Variants in PRKCZ observed in about 807,000 individuals in gnomAD.
The protein encoded by PRKCZ is protein kinase C zeta, also known as protein kinase C zeta type.
A neutral mutation model predicts 79.5 loss-of-function variants in PRKCZ; 33 were observed. The ratio of observed to expected loss-of-function variants is 0.41; its 90% CI spans 0.31 to 0.55. The LOEUF (loss-of-function observed/expected upper bound fraction) is 0.55. PRKCZ is among the 20% of genes least tolerant of loss of function. The pLI, the probability that PRKCZ is intolerant of heterozygous loss-of-function variation, is 0.19. For missense variants in PRKCZ, 578 were observed against 813.5 expected, an observed-to-expected ratio of 0.71 and a Z score of 3.52; for synonymous variants, 342 against 320.9, an observed-to-expected ratio of 1.07 and a Z score of -0.70.
intron 4 of PRKCZ, among the ~76,000 whole-genome samples, chr1:2,110,081 C>T (rs1669419943): frequency 6.7e-6 from 1 of 148,460 alleles, no homozygotes; most frequent in African/African-American, 2.5e-5. Flanking sequence ...CCAAGAGGAT[C>T]CCAGAGGTGA....
At position 2,172,981 on chromosome 1, in the gene PRKCZ, G is replaced by A. The variant is rs1011810315; in HGVS notation, c.1285+593G>A. ...GCAGCCGTGTGTGCGTGTGTGAAAC[G>A]GGGACGTGGGCACGCGTGTGCAGCC... is the stretch of plus-strand genomic sequence containing the variant. On this transcript the variant is annotated intron_variant, in intron 13 of 17. Coordinates refer to ENST00000378567, the MANE Select transcript of PRKCZ (RefSeq NM_002744.6). The surrounding 1 kb of genome is among the most constrained non-coding windows in gnomAD (Gnocchi z 7.8). Among the ~76,000 whole-genome samples, 5 of 151,936 alleles carry A rather than the reference G, an allele frequency of 3.3e-5. No individual in the cohort carries two copies. The highest frequency in any genetic ancestry group is 1.9e-4 in the East Asian group (1 of 5,178).
chr1:2,139,120 A>G (rs1676808563), intron 5 of PRKCZ, among the ~76,000 whole-genome samples: 2 of 152,216 alleles, frequency 1.3e-5, no homozygotes, highest in Admixed American at 6.5e-5. Context: ...CACACTTAGA[A>G]TTGAAGAGCT....
At chr1:2,065,786 G>A (rs1301439643) in intron 4 of PRKCZ, among the ~76,000 whole-genome samples, 1 of 151,776 alleles carries the variant, frequency 6.6e-6, no homozygotes, top group Non-Finnish European at 1.5e-5. Context: ...GATGTCTGCT[G>A]TGGGTTTTTC....
intron 4 of PRKCZ, among the ~76,000 whole-genome samples, chr1:2,124,768 C>T (rs1052341209): frequency 1.2e-4 from 18 of 151,908 alleles, no homozygotes; most frequent in South Asian, 2.1e-4. Context: ...GTGTGACCTC[C>T]GAAGGGTCAG....
At chr1:2,077,452 A>G (rs1354890395) in intron 4 of PRKCZ, among the ~76,000 whole-genome samples, 1 of 152,156 alleles carries the variant, frequency 6.6e-6, no homozygotes, top group Non-Finnish European at 1.5e-5. Context: ...GCGAACCTTG[A>G]TTGTTGAAAG....
intron 1 of PRKCZ, among the ~76,000 whole-genome samples, 157 bp from the exon 2 acceptor site, chr1:2,055,284 A>AT (rs1455233255): frequency 1.5e-5 from 1 of 68,548 alleles, no homozygotes; most frequent in Non-Finnish European, 2.4e-5. Flanking sequence ...TAATGGTTCT[A>AT]TTTTGTGTGT....
chr1:2,169,368 TGCCA>T (rs2100250661), intron 10 of PRKCZ, 146 bp from the exon 11 acceptor site: 3 of 722,454 alleles, frequency 4.2e-6, no homozygotes, highest in Non-Finnish European at 7.5e-6. Context: ...CCCTCTCTGC[TGCCA>T]GGGTGCTCCT....
In PRKCZ at chr1:2,144,616, G is replaced by A. The variant is rs384726; in HGVS notation, c.552+275G>A. The stretch of plus-strand genomic sequence containing the variant: ...CGTGGTACGCTCTGCTCAGTGGGTC[G>A]GAGGTAAGGTTCATTCATACCCCAG... On this transcript the variant is annotated intron_variant, in intron 6 of 17. Transcript: ENST00000378567. 83,138 of 1,273,408 alleles carry A rather than the reference G, an allele frequency of 0.065. 3,056 individuals are homozygous for A. Among genetic ancestry groups the A allele is most frequent in the Non-Finnish European group, 0.074 (74,214 of 997,062 alleles). 78.9% of individuals were successfully genotyped at this position (1,273,408 alleles called of 1,614,324 possible). A position where few individuals can be genotyped will look rare whatever the true frequency, so the allele number is the denominator to read the frequency against.
intron 4 of PRKCZ, among the ~76,000 whole-genome samples, chr1:2,066,240 C>T (rs577968733): frequency 6.6e-6 from 1 of 152,286 alleles, no homozygotes; most frequent in South Asian, 2.1e-4. Flanking sequence ...GTTCCTTCCT[C>T]TTTAATTTTT....
chr1:2,073,962 C>T (rs1326717336), intron 4 of PRKCZ: 9 of 1,378,204 alleles, frequency 6.5e-6, no homozygotes, highest in Middle Eastern at 2.7e-4. Flanking sequence ...GTGGATTTTC[C>T]GCGCCCCCGG....
intron 4 of PRKCZ, among the ~76,000 whole-genome samples, chr1:2,080,969 C>T (rs1045031653): frequency 6.6e-5 from 10 of 152,110 alleles, no homozygotes; most frequent in South Asian, 2.1e-4. Flanking sequence ...CTCCTTATAT[C>T]GCTGGGTCCA....
rs1662307749 is a variant in PRKCZ at position 2,075,862 on chromosome 1, A to G, written c.334+16271A>G. ...ATCCTGAGAAGTTCCCGTGCTTGTGACCTGCTCTCGTGTGTGTAGCAGCGG... is the reference window on the plus strand; with the variant it reads ...ATCCTGAGAAGTTCCCGTGCTTGTGGCCTGCTCTCGTGTGTGTAGCAGCGG... On this transcript the variant is annotated intron_variant, in intron 4 of 17. Coordinates refer to ENST00000378567, the MANE Select transcript of PRKCZ (RefSeq NM_002744.6). The surrounding 1 kb of genome is among the most constrained non-coding windows in gnomAD (Gnocchi z 4.8). Among the ~76,000 whole-genome samples the G allele has an allele frequency of 6.6e-6, 1 of 152,126 alleles. No individual in the cohort carries two copies. Among genetic ancestry groups the G allele is most frequent in the African/African-American group, 2.4e-5 (1 of 41,430 alleles).
In PRKCZ at chr1:2,185,252, C is replaced by A; in HGVS notation, c.*243C>A. The A allele has an allele frequency of 1.4e-6, 1 of 713,076 alleles. No individual in the cohort carries two copies. The highest frequency in any genetic ancestry group is 1.5e-5 in the South Asian group (1 of 67,592). 44.2% of individuals were successfully genotyped at this position (713,076 alleles called of 1,614,324 possible). On this transcript the variant is annotated 3_prime_UTR_variant, in exon 18 of 18. Coordinates refer to ENST00000378567, the MANE Select transcript of PRKCZ (RefSeq NM_002744.6). ...CTGCTGTGCCTGCGTCGCGGCGGAT[C>A]CGCGGGGACCCTGCCGAGGGGGCTG...
chr1:2,107,914 G>A (rs1668897321), intron 4 of PRKCZ, among the ~76,000 whole-genome samples: 1 of 151,572 alleles, frequency 6.6e-6, no homozygotes, highest in South Asian at 2.1e-4. Context: ...GGCAGTGTCG[G>A]GAGCCCCCCA....
intron 4 of PRKCZ, among the ~76,000 whole-genome samples, chr1:2,113,145 C>A (rs1176461671): frequency 6.6e-6 from 1 of 152,272 alleles, no homozygotes; most frequent in African/African-American, 2.4e-5. Context: ...GCCTGCAGCA[C>A]CAGTCAGGGC....
intron 4 of PRKCZ, among the ~76,000 whole-genome samples, chr1:2,113,170 C>G (rs1028098003): frequency 6.6e-6 from 1 of 152,240 alleles, no homozygotes; most frequent in African/African-American, 2.4e-5. Flanking sequence ...GGGGATCCCT[C>G]CAGGGTCTCA....
chr1:2,167,315 C>T (rs1418888857), intron 10 of PRKCZ, among the ~76,000 whole-genome samples: 1 of 152,256 alleles, frequency 6.6e-6, no homozygotes, highest in Non-Finnish European at 1.5e-5. Flanking sequence ...TTCTCTCAGC[C>T]TCCTGAGGCA....
chr1:2,163,619 G>A (rs1324872139), intron 10 of PRKCZ, among the ~76,000 whole-genome samples: 3 of 152,170 alleles, frequency 2.0e-5, no homozygotes, highest in Admixed American at 6.5e-5. Flanking sequence ...GGCCGGGTGC[G>A]GTGGCTCACG....
chr1:2,179,227 ATCCTGAG>A (rs1686070336), intron 16 of PRKCZ, among the ~76,000 whole-genome samples: 1 of 152,184 alleles, frequency 6.6e-6, no homozygotes, highest in African/African-American at 2.4e-5. Flanking sequence ...CAGGCTCCTA[ATCCTGAG>A]TCCTCCGGTT....
Sources: allele counts gnomAD v4.1 joint callset (sites outside exome capture counted in the v4.1 genomes callset), GRCh38; gene constraint gnomAD v4.1.1; non-coding constraint Gnocchi (gnomAD v3.1); transcripts MANE v1.5; gene names NCBI Gene and HGNC (gene_info 2026-07-23, HGNC 2026-07-21).